NPHP1: variants seen among roughly 807,000 people sequenced by gnomAD.
NPHP1 encodes nephrocystin-1.
Under a neutral mutation model 90.4 loss-of-function variants are expected in NPHP1, and 70 were observed. The observed-to-expected ratio is 0.77, with a 90% CI of 0.64 to 0.95. NPHP1 has a LOEUF of 0.95. NPHP1 is among the 40% of genes least tolerant of loss of function. NPHP1 has a pLI of 0.00. For synonymous variants in NPHP1, 256 were observed against 271.7 expected (o/e 0.94, Z 0.57); for missense variants, 764 against 795.9 (o/e 0.96, Z 0.48).
rs1679656295 is a variant in NPHP1, at chr2:110,129,846, A to AT, written c.1643-588_1643-587insA. 2.6e-5 allele frequency among the ~76,000 whole-genome samples: 4 copies of AT among 152,340 alleles called. No individual in the cohort carries two copies. The South Asian group carries it at 8.3e-4, about 32-fold the overall frequency. ...ATTTCACAATAGATAACAGCACATG[A>AT]AAAATCTGTGCAAAGAAGCACATCA... On this transcript the variant is annotated intron_variant, in intron 17 of 19. Transcript: ENST00000445609.
rs121907898 is a variant in NPHP1 at position 110,201,484 on chromosome 2, A to C, written c.80T>G (p.Leu27Trp). Residue 27 changes from leucine (L) to tryptophan (W), a missense_variant, in exon 2 of 20, where the codon TTG becomes TGG. Physicochemically the swap from Leu to Trp is moderately conservative, Grantham distance 61. Transcript: ENST00000445609. ...TTCTTTCAGTTGGCTCTCAGAAAGC[A>C]AACTATCAACCTATGGAGACCATTT... is the stretch of plus-strand genomic sequence containing the variant. The part of the protein sequence containing the change: ...NQELKQQVDS[L>W]LSESQLKEAL... 1.2e-6 allele frequency: 2 copies of C among 1,609,018 alleles called. No individual in the cohort carries two copies. The highest frequency in any genetic ancestry group is 1.7e-6 in the Non-Finnish European group (2 of 1,176,562).
At chr2:110,161,719 C>A in intron 9 of NPHP1, 22 bp from the exon 10 acceptor site, 1 of 1,525,894 alleles carries the variant, frequency 6.6e-7, no homozygotes, top group South Asian at 1.1e-5. Context: ...ATTTTTTCTT[C>A]ATTTTCTTAC....
intron 14 of NPHP1, among the ~76,000 whole-genome samples, chr2:110,145,195 T>G (rs1044138331): frequency 6.6e-6 from 1 of 152,118 alleles, no homozygotes; most frequent in Non-Finnish European, 1.5e-5. Flanking sequence ...ACATACTAAG[T>G]GTAGAAAGAA....
At chr2:110,139,519 T>G (rs1227343826) in intron 16 of NPHP1, among the ~76,000 whole-genome samples, 1 of 152,208 alleles carries the variant, frequency 6.6e-6, no homozygotes, top group Non-Finnish European at 1.5e-5. Context: ...GCCAGTGGTC[T>G]ACACCGAATA....
Position 110,202,702 on chromosome 2 carries a change from C to T in NPHP1, c.70-1208G>A, listed in dbSNP as rs187354377. ...ATCATGACTAATCATCAGAGAAATGCAAATTAAAACTACAATGAGGTACCA... is the reference window on the plus strand; with the variant it reads ...ATCATGACTAATCATCAGAGAAATGTAAATTAAAACTACAATGAGGTACCA... On this transcript the variant is annotated intron_variant, in intron 1 of 19. Transcript: ENST00000445609. Among the ~76,000 whole-genome samples, 102 of 152,094 alleles carry T rather than the reference C, an allele frequency of 6.7e-4. 1 individual carries two copies. The highest frequency in any genetic ancestry group is 3.3e-3 in the East Asian group (17 of 5,184).
chr2:110,164,487 C>CAAAAAAA, intron 8 of NPHP1: 1 of 881,812 alleles, frequency 1.1e-6, no homozygotes, highest in Non-Finnish European at 1.8e-6. Context: ...TCTTTTTGTA[C>CAAAAAAA]AAAAAAAAAA....
rs1684188204 is a variant in NPHP1 at position 110,185,048 on chromosome 2, C to A, written c.144-5364G>T. 201 of 599,948 alleles carry A rather than the reference C, an allele frequency of 3.4e-4. 5 individuals are homozygous for A. Among genetic ancestry groups the A allele is most frequent in the South Asian group, 2.7e-3 (196 of 72,666 alleles). 37.2% of individuals were successfully genotyped at this position (599,948 alleles called of 1,614,324 possible). A position where few individuals can be genotyped will look rare whatever the true frequency, so the allele number is the denominator to read the frequency against. On this transcript the variant is annotated intron_variant, in intron 2 of 19. Transcript: ENST00000445609. ...TGAAGTGAAGATCAGGATATTTGCA[C>A]CTCAGGAGAGACTGTATTCCACGTG...
chr2:110,195,275 T>A (rs1486181942), intron 2 of NPHP1, among the ~76,000 whole-genome samples: 1 of 152,132 alleles, frequency 6.6e-6, no homozygotes, highest in Non-Finnish European at 1.5e-5. Context: ...TCTCAGCCTA[T>A]AATCTCCTTA....
chr2:110,184,653 A>C, intron 2 of NPHP1: 1 of 779,994 alleles, frequency 1.3e-6, no homozygotes. Context: ...CTACCTGCAT[A>C]AGGAGGGCTA....
chr2:110,155,376 G>GA (rs1442771172), intron 11 of NPHP1, among the ~76,000 whole-genome samples: 1 of 152,280 alleles, frequency 6.6e-6, no homozygotes, highest in Admixed American at 6.5e-5. Context: ...CCCTCACACA[G>GA]AGTCCCTCCT....
chr2:110,124,536 G>A, intron 19 of NPHP1: 2 of 229,218 alleles, frequency 8.7e-6, no homozygotes, highest in East Asian at 1.9e-4. Context: ...GCAATGCCTG[G>A]GATGGAGGTC....
At chr2:110,129,094 CA>C (rs1238785556) in intron 18 of NPHP1, 91 bp downstream of exon 18, 983 of 788,622 alleles carry the variant, frequency 1.2e-3, no homozygotes, top group Non-Finnish European at 1.5e-3. Flanking sequence ...ATCCTAGTAA[CA>C]AAAAAAAAGG....
At chr2:110,139,243 T>TACGCC (rs1404023769) in intron 16 of NPHP1, among the ~76,000 whole-genome samples, 6 of 151,188 alleles carry the variant, frequency 4.0e-5, no homozygotes, top group Non-Finnish European at 8.8e-5. Flanking sequence ...GCAACCTACT[T>TACGCC]CTCCAGATCA....
chr2:110,186,402 C>T (rs1328688478), intron 2 of NPHP1, among the ~76,000 whole-genome samples: 1 of 152,102 alleles, frequency 6.6e-6, no homozygotes, highest in East Asian at 1.9e-4. Context: ...TGGGATGGCC[C>T]CCTCTTGGCT....
chr2:110,162,492 A>G (rs1456138269), intron 9 of NPHP1, among the ~76,000 whole-genome samples: 2 of 152,084 alleles, frequency 1.3e-5, no homozygotes, highest in Non-Finnish European at 2.9e-5. Context: ...TCAACAACTC[A>G]GGGTATACAG....
At chr2:110,184,274 T>C (rs767709452) in intron 2 of NPHP1, 1 of 591,482 alleles carries the variant, frequency 1.7e-6, no homozygotes, top group Non-Finnish European at 3.3e-6. Flanking sequence ...CAATCTGCTA[T>C]CTCACGGAGC....
chr2:110,190,187 C>T (rs1371796875), intron 2 of NPHP1, among the ~76,000 whole-genome samples: 1 of 152,216 alleles, frequency 6.6e-6, no homozygotes, highest in African/African-American at 2.4e-5. Flanking sequence ...GATCCCGCAC[C>T]AGGGCTGCAG....
chr2:110,189,300 G>A (rs1236686816), intron 2 of NPHP1, among the ~76,000 whole-genome samples: 1 of 152,136 alleles, frequency 6.6e-6, no homozygotes, highest in Non-Finnish European at 1.5e-5. Flanking sequence ...TCCAGAGTTT[G>A]TTCCTTCTGA....
intron 11 of NPHP1, among the ~76,000 whole-genome samples, chr2:110,153,806 A>T (rs940721321): frequency 6.6e-6 from 1 of 152,084 alleles, no homozygotes; most frequent in Non-Finnish European, 1.5e-5. Context: ...ACATGGTGAA[A>T]CCCCATCTCT....
Sources: allele counts gnomAD v4.1 joint callset (sites outside exome capture counted in the v4.1 genomes callset), GRCh38; gene constraint gnomAD v4.1.1; transcripts MANE v1.5; gene names NCBI Gene and HGNC (gene_info 2026-07-23, HGNC 2026-07-21).